ARID4B: variants seen among roughly 807,000 people sequenced by gnomAD.
ARID4B encodes AT-rich interactive domain-containing protein 4B.
ARID4B carries 26 observed loss-of-function variants against 147.5 expected under a neutral mutation model. That is an observed-to-expected ratio of 0.18 (90% CI 0.13 to 0.24). The LOEUF is 0.24. Among genes scored for constraint, ARID4B ranks in the 10% least tolerant of loss-of-function variants. ARID4B has a pLI of 1.00. For synonymous variants in ARID4B, 512 were observed against 507.9 expected (o/e 1.01, Z -0.11); for missense variants, 1,179 against 1,511.5 (o/e 0.78, Z 3.65).
intron 16 of ARID4B, among the ~76,000 whole-genome samples, chr1:235,218,581 C>G (rs1045657339): frequency 4.2e-4 from 64 of 152,220 alleles, no homozygotes; most frequent in African/African-American, 1.5e-3. Context: ...CTACATTCTT[C>G]TAAACCCAGG....
intron 8 of ARID4B, 135 bp from the exon 9 acceptor site, chr1:235,234,627 C>T (rs1668447703): frequency 5.1e-6 from 3 of 586,850 alleles, no homozygotes; most frequent in Non-Finnish European, 9.2e-6. Flanking sequence ...AACAGGCACA[C>T]ACACACACGT....
At chr1:235,234,250 AT>A (rs1186732957) in intron 9 of ARID4B, among the ~76,000 whole-genome samples, 162 bp downstream of exon 9, 1 of 152,226 alleles carries the variant, frequency 6.6e-6, no homozygotes, top group Non-Finnish European at 1.5e-5. Flanking sequence ...ACTACAACAC[AT>A]TAAGATAATA....
intron 6 of ARID4B, 25 bp from the exon 7 acceptor site, chr1:235,246,536 C>CA (rs745390715): frequency 1.3e-6 from 2 of 1,544,444 alleles, no homozygotes; most frequent in Non-Finnish European, 1.8e-6. Flanking sequence ...ATAAACCCAT[C>CA]AAAAAATTAA....
At chr1:235,306,178 T>C (rs1673543245) in intron 2 of ARID4B, among the ~76,000 whole-genome samples, 1 of 152,136 alleles carries the variant, frequency 6.6e-6, no homozygotes, top group Non-Finnish European at 1.5e-5. Flanking sequence ...AAATGGGATG[T>C]TACTTTAGCA....
Position 235,182,804 on chromosome 1 carries a change from A to G in ARID4B, c.2126-11T>C, listed in dbSNP as rs1300881846. On this transcript the variant is annotated splice_polypyrimidine_tract_variant and intron_variant, in intron 19 of 23. Coordinates refer to ENST00000264183, the MANE Select transcript of ARID4B (RefSeq NM_016374.6). Reference sequence around the variant, plus strand: ...CAGAACTTTCAGAAGCTAGAAAATAACAGAAAAAAAAATGATGAGTATGAT... The same window carrying G: ...CAGAACTTTCAGAAGCTAGAAAATAGCAGAAAAAAAAATGATGAGTATGAT... 4 of 1,565,804 alleles carry G rather than the reference A, an allele frequency of 2.6e-6. No homozygotes were observed. Among genetic ancestry groups the G allele is most frequent in the Non-Finnish European group, 2.6e-6 (3 of 1,161,708 alleles).
chr1:235,316,720 G>A (rs1674463851), intron 2 of ARID4B, among the ~76,000 whole-genome samples: 1 of 151,926 alleles, frequency 6.6e-6, no homozygotes, highest in Admixed American at 6.6e-5. Flanking sequence ...TTGGGAGGCT[G>A]AGGGAGAAGA....
At position 235,223,280 on chromosome 1, in the gene ARID4B, CTA is replaced by C; in HGVS notation, c.971-22_971-21del. On this transcript the variant is annotated intron_variant, in intron 12 of 23. Coordinates refer to ENST00000264183, the MANE Select transcript of ARID4B (RefSeq NM_016374.6). ...GTGTACCTGTTACAGAAAACACAAA[CTA>C]TATTAGATCCACACTACATTTTTAA... is the stretch of plus-strand genomic sequence containing the variant. The C allele has an allele frequency of 7.5e-7, 1 of 1,340,332 alleles. No individual in the cohort carries two copies. The highest frequency in any genetic ancestry group is 1.0e-6 in the Non-Finnish European group (1 of 975,648). The allele number at this position is 1,340,332 out of a possible 1,614,324, so 83.0% of individuals were successfully genotyped here. A position where few individuals can be genotyped will look rare whatever the true frequency, so the allele number is the denominator to read the frequency against.
At chr1:235,174,229 CAG>C (rs544605002) in intron 22 of ARID4B, among the ~76,000 whole-genome samples, 2 of 151,796 alleles carry the variant, frequency 1.3e-5, no homozygotes, top group South Asian at 4.2e-4. Flanking sequence ...TTAGTAGAGA[CAG>C]GGTTTCACCA....
At chr1:235,266,440 G>C (rs1384349161) in intron 2 of ARID4B, among the ~76,000 whole-genome samples, 1 of 152,076 alleles carries the variant, frequency 6.6e-6, no homozygotes, top group African/African-American at 2.4e-5. Flanking sequence ...ATGCCAAAAA[G>C]GAAATTAAAC....
intron 21 of ARID4B, chr1:235,176,709 G>A: frequency 2.6e-6 from 1 of 382,608 alleles, no homozygotes; most frequent in South Asian, 1.9e-5. Context: ...TGGCCTTGCT[G>A]AGCACAGCCG....
At chr1:235,224,117 T>C (rs375106757) in intron 12 of ARID4B, among the ~76,000 whole-genome samples, 30 of 152,312 alleles carry the variant, frequency 2.0e-4, no homozygotes, top group African/African-American at 6.5e-4. Flanking sequence ...CCCAGAGTAT[T>C]GTGGTGTTTC....
chr1:235,235,916 G>T (rs1349332728), intron 8 of ARID4B, among the ~76,000 whole-genome samples: 2 of 151,726 alleles, frequency 1.3e-5, no homozygotes, highest in Non-Finnish European at 2.9e-5. Context: ...TAGTTCCTGG[G>T]ACTATGTAGT....
Position 235,168,615 on chromosome 1 carries a change from G to A in ARID4B, c.3849C>T (p.Ser1283=). 1.2e-6 allele frequency: 2 copies of A among 1,614,040 alleles called. No individual in the cohort carries two copies. The highest frequency in any genetic ancestry group is 2.2e-5 in the East Asian group (1 of 44,876). The change falls in exon 24 of 24, where the codon TCC becomes TCT. Residue 1283 remains serine, a synonymous_variant. Transcript: ENST00000264183. ...ATSSSSSSPS[S]SSITAAVMLT... is the part of the protein sequence containing the mutation. ...ACATAACAGCAGCTGTTATGGAACT[G>A]GATGAAGGTGAAGAGGAGGATGAGG...
At chr1:235,186,570 T>C (rs1164411100) in intron 19 of ARID4B, among the ~76,000 whole-genome samples, 1 of 151,896 alleles carries the variant, frequency 6.6e-6, no homozygotes, top group Admixed American at 6.6e-5. Context: ...GCCAAGCTAA[T>C]TTTTGTATTT....
rs773481316 is a variant in ARID4B at position 235,175,388 on chromosome 1, CACT to C, written c.3457_3459del (p.Ser1153del). The C allele has an allele frequency of 2.5e-6, 4 of 1,612,132 alleles. No homozygotes were observed. The highest frequency in any genetic ancestry group is 1.3e-5 in the African/African-American group (1 of 75,002). ...TCACCAGCTGAAAGTTCTTCACTAT[CACT>C]ACTATTTGCTGAAAGAGAAAGAAAA... On this transcript the variant is annotated inframe_deletion, in exon 22 of 24. Transcript: ENST00000264183.
intron 6 of ARID4B, among the ~76,000 whole-genome samples, chr1:235,249,894 C>G (rs1186953039): frequency 4.7e-5 from 7 of 148,976 alleles, no homozygotes; most frequent in East Asian, 4.0e-4. Flanking sequence ...GAGCCGAGAT[C>G]GTGCCACTGC....
At chr1:235,217,688 C>T (rs1412857474) in intron 16 of ARID4B, among the ~76,000 whole-genome samples, 9 of 152,198 alleles carry the variant, frequency 5.9e-5, no homozygotes, top group Non-Finnish European at 7.4e-5. Context: ...TCTTCAATCT[C>T]CCACATCTGG....
intron 2 of ARID4B, among the ~76,000 whole-genome samples, chr1:235,280,549 G>A (rs537353863): frequency 3.3e-5 from 5 of 152,382 alleles, no homozygotes; most frequent in East Asian, 3.9e-4. Context: ...TCCTCGCCAC[G>A]CAAACGGCTC....
chr1:235,213,683 T>C (rs1666854861), intron 17 of ARID4B, 86 bp downstream of exon 17: 1 of 1,390,590 alleles, frequency 7.2e-7, no homozygotes, highest in African/African-American at 1.5e-5. Context: ...TACTAATAAA[T>C]CTGTAATCCA....
Sources: allele counts gnomAD v4.1 joint callset (sites outside exome capture counted in the v4.1 genomes callset), GRCh38; gene constraint gnomAD v4.1.1; transcripts MANE v1.5; gene names NCBI Gene and HGNC (gene_info 2026-07-23, HGNC 2026-07-21).